The following PPP1R37 variants were observed in gnomAD, a reference collection of about 807,000 sequenced individuals.
The protein encoded by PPP1R37 is leucine rich repeat containing 68.
Under a neutral mutation model 61.0 loss-of-function variants are expected in PPP1R37, and 21 were observed. That is an observed-to-expected ratio of 0.34 (90% CI 0.24 to 0.50). The LOEUF (loss-of-function observed/expected upper bound fraction) is 0.50. Ranked by LOEUF, PPP1R37 falls within the 20% of genes least tolerant of loss-of-function variation. PPP1R37 has a pLI of 0.98. For missense variants in PPP1R37, 910 were observed against 952.7 expected (o/e 0.96, Z 0.59); for synonymous variants, 443 against 433.5 (o/e 1.02, Z -0.27).
chr19:45,100,499 A>G (rs746758912), intron 1 of PPP1R37, among the ~76,000 whole-genome samples: 1 of 152,062 alleles, frequency 6.6e-6, no homozygotes, highest in Non-Finnish European at 1.5e-5. Context: ...GTTTGCCCCA[A>G]TTTGTAGATG....
chr19:45,104,232 CTGT>C (rs1435838898), intron 1 of PPP1R37, among the ~76,000 whole-genome samples: 2 of 152,314 alleles, frequency 1.3e-5, no homozygotes, highest in East Asian at 1.9e-4. Context: ...CCTCCTCGCT[CTGT>C]TGTTATTTGT....
intron 1 of PPP1R37, among the ~76,000 whole-genome samples, chr19:45,134,181 A>C (rs1054600306): frequency 1.3e-5 from 2 of 151,570 alleles, no homozygotes. Flanking sequence ...TTTTTTCTGA[A>C]ATTTTTTTTG....
chr19:45,095,922 A>G (rs1967987400), intron 1 of PPP1R37, among the ~76,000 whole-genome samples: 1 of 152,148 alleles, frequency 6.6e-6, no homozygotes, highest in South Asian at 2.1e-4. Flanking sequence ...AGACCTGGAG[A>G]GGCAGAGCAG....
At chr19:45,095,459 A>G (rs1463209074) in intron 1 of PPP1R37, among the ~76,000 whole-genome samples, 1 of 148,430 alleles carries the variant, frequency 6.7e-6, no homozygotes, top group Non-Finnish European at 1.5e-5. Context: ...TTAAAGAGGC[A>G]GTGGTTAAAT....
intron 1 of PPP1R37, among the ~76,000 whole-genome samples, chr19:45,125,715 C>T (rs958405905): frequency 1.3e-5 from 2 of 152,176 alleles, no homozygotes; most frequent in African/African-American, 4.8e-5. Context: ...CACCTATCCA[C>T]TCCTAGAACC....
In PPP1R37 at chr19:45,138,905, C is replaced by CTTTTTTTTT. The variant is rs34081163; in HGVS notation, c.300+311_300+319dup. Among the ~76,000 whole-genome samples the CTTTTTTTTT allele has an allele frequency of 7.5e-4, 55 of 73,062 alleles. 1 individual carries two copies. The highest frequency in any genetic ancestry group is 1.4e-3 in the African/African-American group (27 of 18,692). 47.9% of individuals were successfully genotyped at this position (73,062 alleles called of 152,430 possible). ...GTCTGAATTACAAAATTTATGTATTCTTTTTTTTTTTTTTTTTTTTTTTTT... is the reference window on the plus strand; with the variant it reads ...GTCTGAATTACAAAATTTATGTATTCTTTTTTTTTTTTTTTTTTTTTTTTTTTTTTTTTT... On this transcript the variant is annotated intron_variant, in intron 2 of 12. Coordinates refer to ENST00000221462, the MANE Select transcript of PPP1R37 (RefSeq NM_019121.2).
chr19:45,093,409 C>A lies in PPP1R37; in HGVS notation c.84C>A (p.Pro28=), dbSNP rs938133397. ...AGGCCCCAGCTGAGGCCGGGTCTCC[C>A]AGCCCCGCGTCGCCCCCCGCCGATG... ...IEEAPAEAGS[P]SPASPPADGR... The change falls in exon 1 of 13, where the codon CCC becomes CCA. Residue 28 remains proline (P), a synonymous_variant. Transcript: ENST00000221462. 1.2e-5 allele frequency: 18 copies of A among 1,534,418 alleles called. No individual in the cohort carries two copies. The highest frequency in any genetic ancestry group is 9.8e-5 in the Admixed American group (5 of 50,930).
chr19:45,114,058 A>G (rs572157019), intron 1 of PPP1R37, among the ~76,000 whole-genome samples: 1 of 152,332 alleles, frequency 6.6e-6, no homozygotes, highest in African/African-American at 2.4e-5. Context: ...GCCCCACACT[A>G]GACGCTTTAC....
intron 4 of PPP1R37, 58 bp from the exon 5 acceptor site, chr19:45,141,264 C>A (rs1477440399): frequency 8.1e-6 from 12 of 1,483,970 alleles, no homozygotes; most frequent in Non-Finnish European, 1.1e-5. Context: ...TCAGGGCCCA[C>A]GCCTCTCCTC....
Position 45,146,374 on chromosome 19 carries a change from C to T in PPP1R37, c.1994-16C>T. ...CCACCCGCCTGACGGGGGTGCTGGCCCGTCCTCCCACACAGAACTGAGCTG... is the reference window on the plus strand; with the variant it reads ...CCACCCGCCTGACGGGGGTGCTGGCTCGTCCTCCCACACAGAACTGAGCTG... On this transcript the variant is annotated splice_polypyrimidine_tract_variant and intron_variant, in intron 11 of 12. Coordinates refer to ENST00000221462, the MANE Select transcript of PPP1R37 (RefSeq NM_019121.2). The T allele has an allele frequency of 6.5e-7, 1 of 1,534,432 alleles. No homozygotes were observed. Among genetic ancestry groups the T allele is most frequent in the Non-Finnish European group, 8.7e-7 (1 of 1,145,854 alleles).
intron 1 of PPP1R37, among the ~76,000 whole-genome samples, chr19:45,125,942 G>A (rs1968399029): frequency 6.6e-6 from 1 of 152,200 alleles, no homozygotes; most frequent in African/African-American, 2.4e-5. Context: ...ATCTCTACTT[G>A]TGGGGCTGCT....
chr19:45,102,534 G>C (rs894280388), intron 1 of PPP1R37, among the ~76,000 whole-genome samples: 1 of 152,230 alleles, frequency 6.6e-6, no homozygotes, highest in Non-Finnish European at 1.5e-5. Context: ...AGTTGAGTGA[G>C]GTGGTCACTG....
chr19:45,145,189 C>G lies in PPP1R37; in HGVS notation c.1225C>G (p.Leu409Val). 1 of 1,535,268 alleles carries G rather than the reference C, an allele frequency of 6.5e-7. No individual in the cohort carries two copies. The highest frequency in any genetic ancestry group is 8.7e-7 in the Non-Finnish European group (1 of 1,146,516). The change falls in exon 10 of 13, where the codon CTG becomes GTG. Residue 409 changes from leucine (L) to valine (V), a missense_variant. Physicochemically the swap from Leu to Val is conservative, Grantham distance 32. Transcript: ENST00000221462. ...NEIKTGGLMA[L>V]SLALKVNHSL... is the part of the protein sequence containing the mutation. ...GATCAAGACAGGCGGGCTCATGGCACTGTCGTTGGCCCTCAAGGTGAACCA... is the reference window on the plus strand; with the variant it reads ...GATCAAGACAGGCGGGCTCATGGCAGTGTCGTTGGCCCTCAAGGTGAACCA...
At position 45,132,941 on chromosome 19, in the gene PPP1R37, C is replaced by T. The variant is rs544609696; in HGVS notation, c.203-5573C>T. Among the ~76,000 whole-genome samples, 4 of 152,350 alleles carry T rather than the reference C, an allele frequency of 2.6e-5. No homozygotes were observed. The East Asian group carries it at 5.8e-4, about 22-fold the overall frequency. ...ACCCTACTAACTCACTCACTCGCCA[C>T]ACGACCCTGGGAGTTAGTTACACTC... On this transcript the variant is annotated intron_variant, in intron 1 of 12. Coordinates refer to ENST00000221462, the MANE Select transcript of PPP1R37 (RefSeq NM_019121.2).
rs1395474586 is a variant in PPP1R37 at position 45,145,438 on chromosome 19, GGGA to G, written c.1387_1389del (p.Glu463del). The stretch of plus-strand genomic sequence containing the variant: ...CGCAACTTGGTGCTGGCGCGGGAGA[GGGA>G]GGAGAAGGAGCAGCCGCCACAGCTG... On this transcript the variant is annotated inframe_deletion, in exon 11 of 13. Transcript: ENST00000221462. 6.5e-6 allele frequency: 10 copies of G among 1,535,194 alleles called. No individual in the cohort carries two copies. The highest frequency in any genetic ancestry group is 3.6e-5 in the South Asian group (3 of 84,054).
chr19:45,093,590 T>G lies in PPP1R37; in HGVS notation c.202+63T>G, dbSNP rs1440508116. 3.0e-6 allele frequency: 4 copies of G among 1,328,042 alleles called. No homozygotes were observed. In the African/African-American group the frequency reaches 4.5e-5, roughly 15 times the overall value. 82.3% of individuals were successfully genotyped at this position (1,328,042 alleles called of 1,614,324 possible). ...GGACCCGGGAGTCGGGAGGGATCGG[T>G]GCAGGGCCCGGCTCGAGGTGGCGTT... On this transcript the variant is annotated intron_variant, in intron 1 of 12. Coordinates refer to ENST00000221462, the MANE Select transcript of PPP1R37 (RefSeq NM_019121.2).
chr19:45,116,692 G>A (rs866503320), intron 1 of PPP1R37, among the ~76,000 whole-genome samples: 3 of 152,276 alleles, frequency 2.0e-5, no homozygotes, highest in South Asian at 4.1e-4. Flanking sequence ...AGAGTGAGTC[G>A]GTGCATTCGT....
intron 3 of PPP1R37, 63 bp from the exon 4 acceptor site, chr19:45,140,443 G>C: frequency 7.2e-6 from 10 of 1,391,072 alleles, no homozygotes; most frequent in Non-Finnish European, 9.8e-6. Flanking sequence ...GGGGCAGAGG[G>C]CCCTTCCAGC....
intron 1 of PPP1R37, among the ~76,000 whole-genome samples, chr19:45,132,117 G>A (rs1599706569): frequency 1.3e-5 from 2 of 152,136 alleles, no homozygotes; most frequent in East Asian, 3.9e-4. Flanking sequence ...CTCTCTGACA[G>A]CCACTTGAAT....
Sources: gnomAD v4.1 joint callset for allele counts (sites outside exome capture counted in the v4.1 genomes callset) on GRCh38, gnomAD v4.1.1 for gene constraint, MANE v1.5 for transcripts, NCBI Gene and HGNC (gene_info 2026-07-23, HGNC 2026-07-21) for gene names.